APOOL: variants seen among roughly 807,000 people sequenced by gnomAD.
The protein encoded by APOOL is apolipoprotein O like.
APOOL carries 12 observed loss-of-function variants against 23.1 expected under a neutral mutation model. That is an observed-to-expected ratio of 0.52 (90% confidence interval 0.33 to 0.84). The LOEUF (loss-of-function observed/expected upper bound fraction) is 0.84, where lower values mean the gene tolerates loss of function less well. Among genes scored for constraint, APOOL ranks in the 40% least tolerant of loss-of-function variants. The probability of loss-of-function intolerance (pLI) is 0.02; values close to 1 mark genes in which losing one functional copy is unlikely to be tolerated. For missense variants in APOOL, 212 were observed against 199.6 expected (o/e 1.06, Z -0.37); for synonymous variants, 77 against 69.9 (o/e 1.10, Z -0.51).
intron 1 of APOOL, among the ~76,000 whole-genome samples, chrX:85,021,309 C>T (rs940938361): frequency 1.8e-5 from 2 of 111,516 alleles, no homozygotes; most frequent in African/African-American, 6.5e-5. Flanking sequence ...CCTATATAGT[C>T]AGCCTCCAGC....
Position 85,022,021 on chromosome X carries a change from AC to A in APOOL, c.15+18095del, listed in dbSNP as rs780234769. ...ACTGATAAATTGCTAGACACATACA[AC>A]TTACCAAGACTGAATTACAAAGAAA... On this transcript the variant is annotated intron_variant, in intron 1 of 8. Transcript: ENST00000373173. Among the ~76,000 whole-genome samples, 6 of 112,122 alleles carry A rather than the reference AC, an allele frequency of 5.4e-5. No individual in the cohort carries two copies. In the East Asian group the frequency reaches 1.4e-3, roughly 26 times the overall value.
At chrX:85,074,993 CA>C (rs1923790696) in intron 8 of APOOL, among the ~76,000 whole-genome samples, 1 of 109,728 alleles carries the variant, frequency 9.1e-6, no homozygotes, top group Non-Finnish European at 1.9e-5. Flanking sequence ...TTACTGTGAT[CA>C]AAAAGAAGGT....
rs184702562 is a variant in APOOL at position 85,048,075 on chromosome X, A to G, written c.120+1525A>G. Reference sequence around the variant, plus strand: ...AACCATTTCCTTAGAATGAATTTCTATAAGCCGAAGTGTAGGTCAAAAGGC... The same window carrying G: ...AACCATTTCCTTAGAATGAATTTCTGTAAGCCGAAGTGTAGGTCAAAAGGC... On this transcript the variant is annotated intron_variant, in intron 2 of 8. Coordinates refer to ENST00000373173, the MANE Select transcript of APOOL (RefSeq NM_198450.6). Among the ~76,000 whole-genome samples, 44 of 111,666 alleles carry G rather than the reference A, an allele frequency of 3.9e-4. 1 individual carries two copies. Among genetic ancestry groups the G allele is most frequent in the Admixed American group, 3.6e-3 (38 of 10,501 alleles).
At chrX:85,032,290 C>T (rs754220385) in intron 1 of APOOL, among the ~76,000 whole-genome samples, 8 of 111,057 alleles carry the variant, frequency 7.2e-5, no homozygotes, top group Non-Finnish European at 1.3e-4. Context: ...CAAGGCGGGC[C>T]GATCAACTGA....
chrX:85,054,296 A>T lies in APOOL; in HGVS notation c.241-48A>T, dbSNP rs1473610480. 3 of 1,103,522 alleles carry T rather than the reference A, an allele frequency of 2.7e-6. No homozygotes were observed. The African/African-American group carries it at 5.5e-5, about 20-fold the overall frequency. The allele number at this position is 1,103,522 out of a possible 1,213,427, so 90.9% of individuals were successfully genotyped here. ...ATGCAGGCAATTTTATCTCATTATCAACAGCTTCAAAAATGCAGATGTCTT... is the reference window on the plus strand; with the variant it reads ...ATGCAGGCAATTTTATCTCATTATCTACAGCTTCAAAAATGCAGATGTCTT... On this transcript the variant is annotated intron_variant, in intron 3 of 8. Coordinates refer to ENST00000373173, the MANE Select transcript of APOOL (RefSeq NM_198450.6).
At chrX:85,033,125 T>G (rs878907536) in intron 1 of APOOL, among the ~76,000 whole-genome samples, 1 of 112,138 alleles carries the variant, frequency 8.9e-6, no homozygotes, top group Admixed American at 9.5e-5. Flanking sequence ...ACTTCTTGGC[T>G]TTGTGGGCAG....
Position 85,088,185 on chromosome X carries a change from C to T in APOOL, c.*507C>T, listed in dbSNP as rs1924417861. Reference sequence around the variant, plus strand: ...ATATTTATACATATATGTATAAATACATACATATTTATACATATATATGTA... The same window carrying T: ...ATATTTATACATATATGTATAAATATATACATATTTATACATATATATGTA... On this transcript the variant is annotated 3_prime_UTR_variant, in exon 9 of 9. Coordinates refer to ENST00000373173, the MANE Select transcript of APOOL (RefSeq NM_198450.6). 1 of 23,763 alleles carries T rather than the reference C, an allele frequency of 4.2e-5. No homozygotes were observed. The highest frequency in any genetic ancestry group is 1.4e-4 in the African/African-American group (1 of 6,948). The allele number at this position is 23,763 out of a possible 1,213,427, so 2.0% of individuals were successfully genotyped here.
chrX:85,067,739 T>G (rs988828840), intron 6 of APOOL, among the ~76,000 whole-genome samples: 1 of 111,135 alleles, frequency 9.0e-6, no homozygotes, highest in Non-Finnish European at 1.9e-5. Flanking sequence ...TAGTTCTGTC[T>G]TTTTCTTGTG....
intron 1 of APOOL, among the ~76,000 whole-genome samples, chrX:85,016,463 C>G (rs1921475559): frequency 1.8e-5 from 2 of 110,579 alleles, no homozygotes; most frequent in Admixed American, 1.9e-4. Context: ...ATCATACAGG[C>G]ACATCTTTTC....
intron 1 of APOOL, among the ~76,000 whole-genome samples, chrX:85,042,187 A>G (rs955153807): frequency 8.9e-6 from 1 of 112,375 alleles, no homozygotes; most frequent in Non-Finnish European, 1.9e-5. Context: ...GTTTTAAAAG[A>G]TGAAATTTAC....
chrX:85,092,743 G>A lies in APOOL; in HGVS notation c.*5065G>A. 1 of 413,118 alleles carries A rather than the reference G, an allele frequency of 2.4e-6. No homozygotes were observed. The highest frequency in any genetic ancestry group is 4.0e-6 in the Non-Finnish European group (1 of 250,793). The allele number at this position is 413,118 out of a possible 1,213,427, so 34.0% of individuals were successfully genotyped here. On this transcript the variant is annotated 3_prime_UTR_variant, in exon 9 of 9. Transcript: ENST00000373173. ...AAAGAAAAAAGTCTCACTGTTCTGA[G>A]CTTTAAAGCCCTCTTTAAAATCTCA... is the stretch of plus-strand genomic sequence containing the variant.
chrX:85,067,370 A>T (rs951627233), intron 6 of APOOL, among the ~76,000 whole-genome samples, 152 bp downstream of exon 6: 5 of 111,383 alleles, frequency 4.5e-5, no homozygotes, highest in African/African-American at 1.6e-4. Flanking sequence ...TTAGCATCTC[A>T]GTATGGTAAA....
At chrX:85,012,109 C>T (rs1280687617) in intron 1 of APOOL, among the ~76,000 whole-genome samples, 1 of 111,025 alleles carries the variant, frequency 9.0e-6, no homozygotes, top group Non-Finnish European at 1.9e-5. Flanking sequence ...TTGCAGCTGT[C>T]GTAAAAGGGA....
chrX:85,063,274 G>A (rs890568463), intron 5 of APOOL, among the ~76,000 whole-genome samples: 1 of 111,355 alleles, frequency 9.0e-6, no homozygotes, highest in African/African-American at 3.3e-5. Flanking sequence ...GAGTTGAGGG[G>A]GTTTTCTAGA....
At chrX:85,059,821 G>C (rs1311420092) in intron 5 of APOOL, among the ~76,000 whole-genome samples, 1 of 111,005 alleles carries the variant, frequency 9.0e-6, no homozygotes, top group African/African-American at 3.3e-5. Flanking sequence ...CTCCCATTCT[G>C]TAGGTTGCCT....
At chrX:85,032,126 T>TA (rs1344583241) in intron 1 of APOOL, among the ~76,000 whole-genome samples, 1 of 112,265 alleles carries the variant, frequency 8.9e-6, no homozygotes, top group Non-Finnish European at 1.9e-5. Context: ...TTAAAATGTC[T>TA]AAAAAAATAC....
At chrX:85,011,933 C>A (rs1921301826) in intron 1 of APOOL, among the ~76,000 whole-genome samples, 1 of 111,521 alleles carries the variant, frequency 9.0e-6, no homozygotes, top group Admixed American at 9.5e-5. Flanking sequence ...TCACTTTTGG[C>A]AGTATGGTCA....
intron 8 of APOOL, among the ~76,000 whole-genome samples, chrX:85,074,889 A>G (rs1923787580): frequency 9.0e-6 from 1 of 110,536 alleles, no homozygotes. Flanking sequence ...CCATTATAAT[A>G]CTTATAACAT....
intron 5 of APOOL, among the ~76,000 whole-genome samples, chrX:85,057,112 C>T (rs1174424231): frequency 9.0e-6 from 1 of 111,174 alleles, no homozygotes; most frequent in Non-Finnish European, 1.9e-5. Context: ...TATCACTTAA[C>T]CTGTTGGACA....
Sources: allele counts gnomAD v4.1 joint callset (sites outside exome capture counted in the v4.1 genomes callset), GRCh38; gene constraint gnomAD v4.1.1; transcripts MANE v1.5; gene names NCBI Gene and HGNC (gene_info 2026-07-23, HGNC 2026-07-21).